SPAG16: variants seen among roughly 807,000 people sequenced by gnomAD.
SPAG16 encodes the protein sperm associated antigen 16.
In SPAG16, 86 loss-of-function variants were observed where a neutral mutation model predicts 80.4. That is an observed-to-expected ratio of 1.07 (90% CI 0.90 to 1.28). The LOEUF is 1.28. Among genes scored for constraint, SPAG16 ranks in the 50% most tolerant of loss-of-function variants. The pLI is 0.00. For missense variants in SPAG16, 870 were observed against 765.3 expected, an observed-to-expected ratio of 1.14 and a Z score of -1.61; for synonymous variants, 294 against 265.9, an observed-to-expected ratio of 1.11 and a Z score of -1.03.
At chr2:213,445,489 C>G (rs947485997) in intron 9 of SPAG16, among the ~76,000 whole-genome samples, 2 of 151,918 alleles carry the variant, frequency 1.3e-5, no homozygotes, top group Non-Finnish European at 2.9e-5. Context: ...TGGTGAAACT[C>G]TCTCTACTAA....
intron 10 of SPAG16, among the ~76,000 whole-genome samples, chr2:213,655,386 C>A (rs898239641): frequency 3.3e-5 from 5 of 152,164 alleles, no homozygotes; most frequent in Admixed American, 2.0e-4. Flanking sequence ...GGGCTCTGGA[C>A]CCTAGATTAT....
chr2:213,991,282 T>A (rs2046268090), intron 12 of SPAG16, among the ~76,000 whole-genome samples: 1 of 152,164 alleles, frequency 6.6e-6, no homozygotes, highest in South Asian at 2.1e-4. Flanking sequence ...ATTACTTTGT[T>A]AAAAATGATG....
intron 15 of SPAG16, among the ~76,000 whole-genome samples, chr2:214,344,293 G>A (rs1168796526): frequency 1.3e-5 from 2 of 152,108 alleles, no homozygotes; most frequent in Admixed American, 6.5e-5. Context: ...TGAAGTATTT[G>A]AAATAAAAAC....
chr2:213,922,044 A>G (rs764399640), intron 11 of SPAG16, among the ~76,000 whole-genome samples: 19 of 152,226 alleles, frequency 1.2e-4, no homozygotes, highest in Non-Finnish European at 2.2e-4. Context: ...AGTTATATGC[A>G]TTTCATGGAT....
chr2:214,204,694 A>G (rs1264084869), intron 15 of SPAG16, among the ~76,000 whole-genome samples: 4 of 152,204 alleles, frequency 2.6e-5, no homozygotes, highest in Non-Finnish European at 5.9e-5. Context: ...TCAGATCCAG[A>G]TCTTCCCTCT....
intron 10 of SPAG16, among the ~76,000 whole-genome samples, chr2:213,508,683 C>T (rs965929828): frequency 6.6e-6 from 1 of 151,996 alleles, no homozygotes; most frequent in Non-Finnish European, 1.5e-5. Context: ...AACCGAACAC[C>T]ACGTGTTCTC....
intron 10 of SPAG16, among the ~76,000 whole-genome samples, chr2:213,747,540 C>G (rs1459174010): frequency 6.6e-6 from 1 of 152,136 alleles, no homozygotes; most frequent in African/African-American, 2.4e-5. Context: ...CCATTCTTAT[C>G]TTTATACTGT....
At chr2:214,149,319 G>A (rs1338797857) in intron 15 of SPAG16, 53 bp downstream of exon 15, 3 of 1,380,170 alleles carry the variant, frequency 2.2e-6, no homozygotes, top group African/African-American at 2.9e-5. Context: ...ATTAATATTT[G>A]TTCTGAAACT....
At chr2:213,963,960 G>A (rs1429890728) in intron 12 of SPAG16, among the ~76,000 whole-genome samples, 1 of 152,000 alleles carries the variant, frequency 6.6e-6, no homozygotes, top group Non-Finnish European at 1.5e-5. Context: ...GTTGGATCTT[G>A]TTAATTTATC....
At chr2:213,333,932 A>G (rs2064224215) in intron 5 of SPAG16, among the ~76,000 whole-genome samples, 1 of 152,184 alleles carries the variant, frequency 6.6e-6, no homozygotes, top group Non-Finnish European at 1.5e-5. Flanking sequence ...GTAATACCCT[A>G]CAAGCACAGG....
chr2:213,494,414 G>C (rs1445514167), intron 10 of SPAG16, among the ~76,000 whole-genome samples: 1 of 152,132 alleles, frequency 6.6e-6, no homozygotes, highest in African/African-American at 2.4e-5. Flanking sequence ...TACCAAATCT[G>C]TGTGAACTTA....
intron 12 of SPAG16, among the ~76,000 whole-genome samples, chr2:213,950,001 C>G (rs1396062175): frequency 6.6e-6 from 1 of 152,152 alleles, no homozygotes; most frequent in Non-Finnish European, 1.5e-5. Context: ...TCAGAAGTAA[C>G]TGCAGCTTCC....
intron 10 of SPAG16, among the ~76,000 whole-genome samples, chr2:213,620,183 A>G (rs1400716112): frequency 2.0e-5 from 3 of 151,996 alleles, no homozygotes. Flanking sequence ...AAAGAAAAAA[A>G]GGTTGGTCCA....
At chr2:213,388,170 C>T (rs150807713) in intron 9 of SPAG16, among the ~76,000 whole-genome samples, 1 of 152,210 alleles carries the variant, frequency 6.6e-6, no homozygotes, top group Non-Finnish European at 1.5e-5. Context: ...CCAGGAGTAC[C>T]TTGCAGGAGC....
At chr2:214,326,293 AAGGAAGG>A (rs1250847374) in intron 15 of SPAG16, among the ~76,000 whole-genome samples, 2 of 152,206 alleles carry the variant, frequency 1.3e-5, no homozygotes, top group Non-Finnish European at 2.9e-5. Context: ...AGCCAAAGCC[AAGGAAGG>A]CTGCAGCCAC....
intron 10 of SPAG16, among the ~76,000 whole-genome samples, chr2:213,740,491 A>C (rs776976680): frequency 6.6e-5 from 10 of 152,212 alleles, no homozygotes; most frequent in Non-Finnish European, 1.3e-4. Flanking sequence ...TCTTTTAAGA[A>C]GTCAATTTTA....
At chr2:213,285,964 T>C in intron 1 of SPAG16, 1 of 1,230,190 alleles carries the variant, frequency 8.1e-7, no homozygotes, top group Non-Finnish European at 1.1e-6. Flanking sequence ...ATTATTTCCG[T>C]GAACACATAG....
At chr2:213,470,173 T>C (rs1387802089) in intron 9 of SPAG16, among the ~76,000 whole-genome samples, 1 of 152,178 alleles carries the variant, frequency 6.6e-6, no homozygotes, top group South Asian at 2.1e-4. Flanking sequence ...AGCGAAGTAT[T>C]ATCACCTAGT....
intron 10 of SPAG16, among the ~76,000 whole-genome samples, chr2:213,617,946 T>C (rs531829215): frequency 7.9e-5 from 12 of 152,296 alleles, no homozygotes; most frequent in Admixed American, 2.0e-4. Context: ...TACAAAACTT[T>C]CCTTTGTACA....
Sources: allele counts gnomAD v4.1 joint callset (sites outside exome capture counted in the v4.1 genomes callset), GRCh38; gene constraint gnomAD v4.1.1; transcripts MANE v1.5; gene names NCBI Gene and HGNC (gene_info 2026-07-23, HGNC 2026-07-21).